MAML3: variants seen among roughly 807,000 people sequenced by gnomAD.
MAML3 encodes the protein mastermind like transcriptional coactivator 3.
MAML3 carries 27 observed loss-of-function variants against 101.9 expected under a neutral mutation model. The ratio of observed to expected loss-of-function variants is 0.27; its 90% confidence interval spans 0.20 to 0.37. MAML3 has a LOEUF of 0.37. Ranked by LOEUF, MAML3 falls within the 10% of genes least tolerant of loss-of-function variation. The pLI, the probability that MAML3 is intolerant of heterozygous loss-of-function variation, is 1.00. For synonymous variants in MAML3, 501 were observed against 555.9 expected, an observed-to-expected ratio of 0.90 and a Z score of 1.39; for missense variants, 1,316 against 1,444.9, an observed-to-expected ratio of 0.91 and a Z score of 1.45.
intron 1 of MAML3, among the ~76,000 whole-genome samples, chr4:140,128,769 T>G (rs534039646): frequency 6.6e-6 from 1 of 152,160 alleles, no homozygotes; most frequent in South Asian, 2.1e-4. Context: ...GTGGGCCACA[T>G]GCAGGGCAAG....
At chr4:139,874,134 A>T (rs1218782409) in intron 2 of MAML3, among the ~76,000 whole-genome samples, 2 of 152,192 alleles carry the variant, frequency 1.3e-5, no homozygotes, top group Admixed American at 1.3e-4. Context: ...AACAAAGAGA[A>T]ATGATTTTTC....
intron 1 of MAML3, among the ~76,000 whole-genome samples, chr4:140,023,805 T>C (rs929748896): frequency 6.6e-6 from 1 of 152,256 alleles, no homozygotes; most frequent in Middle Eastern, 3.2e-3. Context: ...ATTTTAACTT[T>C]TTCTTTTGGA....
intron 1 of MAML3, among the ~76,000 whole-genome samples, chr4:140,076,371 A>G (rs1727765954): frequency 6.6e-6 from 1 of 152,118 alleles, no homozygotes; most frequent in Non-Finnish European, 1.5e-5. Context: ...TTTTTGTAAA[A>G]CAAGAGCAAT....
intron 1 of MAML3, among the ~76,000 whole-genome samples, chr4:139,929,938 C>T (rs1468877713): frequency 6.6e-6 from 1 of 152,110 alleles, no homozygotes; most frequent in Non-Finnish European, 1.5e-5. Flanking sequence ...GTGTGAATGC[C>T]CAGCCTTGCC....
chr4:139,739,682 T>TC lies in MAML3; in HGVS notation c.2080-9016_2080-9015insG, dbSNP rs58864079. Among the ~76,000 whole-genome samples, 8 of 143,858 alleles carry TC rather than the reference T, an allele frequency of 5.6e-5. No individual in the cohort carries two copies. The South Asian group carries it at 1.4e-3, about 24-fold the overall frequency. The allele number at this position is 143,858 out of a possible 152,430, so 94.4% of individuals were successfully genotyped here. ...AGAAAGGCAGGGGAGGAAAGCAGTT[T>TC]TTTTTTTTTTTTCTTTTATGTCCTC... On this transcript the variant is annotated intron_variant, in intron 2 of 4. Transcript: ENST00000509479.
chr4:139,761,856 T>TGG (rs142400369), intron 2 of MAML3, among the ~76,000 whole-genome samples: 5,663 of 152,196 alleles, frequency 0.037, 168 homozygotes, highest in Admixed American at 0.068. Flanking sequence ...GAGTAGATCC[T>TGG]GGAAGCTGTG....
Position 139,890,905 on chromosome 4 carries a change from C to T in MAML3, c.531G>A (p.Gln177=). 1 of 1,613,624 alleles carries T rather than the reference C, an allele frequency of 6.2e-7. No individual in the cohort carries two copies. The highest frequency in any genetic ancestry group is 2.2e-5 in the East Asian group (1 of 44,884). Reference sequence around the variant, plus strand: ...AAAAATTCCCATCACAAGCACCATTCTGCTGGTCTCCATTAAGTGGTGATC... The same window carrying T: ...AAAAATTCCCATCACAAGCACCATTTTGCTGGTCTCCATTAAGTGGTGATC... The part of the protein sequence containing the change: ...GARSPLNGDQ[Q]NGACDGNFSP... Residue 177 remains glutamine (Q), a synonymous_variant, in exon 2 of 5, where the codon CAG becomes CAA. Transcript: ENST00000509479. This position sits in a 1 kb window ranked among gnomAD's most constrained non-coding sequence, Gnocchi z 4.1.
chr4:140,081,304 C>T (rs958693999), intron 1 of MAML3, among the ~76,000 whole-genome samples: 10 of 151,584 alleles, frequency 6.6e-5, no homozygotes, highest in Admixed American at 2.0e-4. Context: ...AATGTAAACA[C>T]ACATCTACAA....
intron 1 of MAML3, among the ~76,000 whole-genome samples, chr4:140,058,904 G>C (rs1727398007): frequency 6.6e-6 from 1 of 152,190 alleles, no homozygotes; most frequent in African/African-American, 2.4e-5. Context: ...TGAGACAAAT[G>C]AAAGAAGAGT....
At chr4:140,010,286 C>A (rs1455912373) in intron 1 of MAML3, among the ~76,000 whole-genome samples, 1 of 152,158 alleles carries the variant, frequency 6.6e-6, no homozygotes, top group Non-Finnish European at 1.5e-5. Context: ...GCAGAAGGAA[C>A]AAATTTAAAT....
intron 1 of MAML3, among the ~76,000 whole-genome samples, chr4:140,014,698 G>A (rs1016250047): frequency 6.6e-6 from 1 of 152,170 alleles, no homozygotes; most frequent in Non-Finnish European, 1.5e-5. Context: ...TTTTGTTGTT[G>A]CTGTTGCTCA....
chr4:139,810,029 GAGAAATAA>G (rs1002988388), intron 2 of MAML3, among the ~76,000 whole-genome samples: 110 of 152,102 alleles, frequency 7.2e-4, no homozygotes, highest in African/African-American at 2.6e-3. Flanking sequence ...ATAAAGGGAA[GAGAAATAA>G]AGAAAGACAT....
At chr4:139,910,556 G>A (rs1462736563) in intron 1 of MAML3, among the ~76,000 whole-genome samples, 1 of 152,224 alleles carries the variant, frequency 6.6e-6, no homozygotes, top group Non-Finnish European at 1.5e-5. Context: ...GGACAGCACA[G>A]TTGTAGAATA....
chr4:140,090,384 A>G (rs1728023015), intron 1 of MAML3, among the ~76,000 whole-genome samples: 1 of 152,274 alleles, frequency 6.6e-6, no homozygotes, highest in Non-Finnish European at 1.5e-5. Flanking sequence ...TATGAGGCAC[A>G]CAACAGGAAT....
chr4:139,972,929 T>C (rs530248703), intron 1 of MAML3, among the ~76,000 whole-genome samples: 1 of 152,322 alleles, frequency 6.6e-6, no homozygotes, highest in South Asian at 2.1e-4. Context: ...TTACCTAGAT[T>C]ATGCACCAAA....
At chr4:139,969,801 A>G (rs1416873811) in intron 1 of MAML3, among the ~76,000 whole-genome samples, 1 of 152,174 alleles carries the variant, frequency 6.6e-6, no homozygotes, top group African/African-American at 2.4e-5. Context: ...CGCTGCCACT[A>G]TAAACATTGG....
At chr4:139,988,226 C>A (rs1460179320) in intron 1 of MAML3, among the ~76,000 whole-genome samples, 4 of 148,012 alleles carry the variant, frequency 2.7e-5, no homozygotes, top group African/African-American at 1.0e-4. Context: ...ACTCGGGAGG[C>A]TGAGGCAGAA....
At chr4:140,047,180 A>C (rs1383228331) in intron 1 of MAML3, among the ~76,000 whole-genome samples, 2 of 152,148 alleles carry the variant, frequency 1.3e-5, no homozygotes, top group Non-Finnish European at 2.9e-5. Context: ...GCAAAGACAC[A>C]GGGGGACAAA....
intron 1 of MAML3, among the ~76,000 whole-genome samples, chr4:140,007,956 A>G (rs1184417854): frequency 6.6e-6 from 1 of 152,180 alleles, no homozygotes; most frequent in Non-Finnish European, 1.5e-5. Flanking sequence ...AAGAAATGGC[A>G]CTGTTGGGCA....
Sources: allele counts gnomAD v4.1 joint callset (sites outside exome capture counted in the v4.1 genomes callset), GRCh38; gene constraint gnomAD v4.1.1; non-coding constraint Gnocchi (gnomAD v3.1); transcripts MANE v1.5; gene names NCBI Gene and HGNC (gene_info 2026-07-23, HGNC 2026-07-21).